TP73: variants seen among roughly 807,000 people sequenced by gnomAD.
TP73 encodes p53-like transcription factor.
A neutral mutation model predicts 62.5 loss-of-function variants in TP73; 25 were observed. The observed-to-expected ratio is 0.40, with a 90% CI of 0.29 to 0.56. TP73 has a LOEUF of 0.56. Ranked by LOEUF, TP73 falls within the 20% of genes least tolerant of loss-of-function variation. TP73 has a pLI of 0.46. For synonymous variants in TP73, 423 were observed against 377.5 expected (o/e 1.12, Z -1.40); for missense variants, 754 against 913.3 (o/e 0.83, Z 2.25).
chr1:3,722,637 C>T (rs1413522126), intron 5 of TP73, among the ~76,000 whole-genome samples: 1 of 152,222 alleles, frequency 6.6e-6, no homozygotes, highest in Non-Finnish European at 1.5e-5. Flanking sequence ...CTGGTGGTCT[C>T]AGTTCTGCTG....
In TP73 at chr1:3,696,809, G is replaced by T. The variant is rs1183777392; in HGVS notation, c.187-10740G>T. Among the ~76,000 whole-genome samples, 1 of 152,144 alleles carries T rather than the reference G, an allele frequency of 6.6e-6. No homozygotes were observed. Among genetic ancestry groups the T allele is most frequent in the African/African-American group, 2.4e-5 (1 of 41,424 alleles). ...CCATGTGGGGCCAGGGGAGGGACCA[G>T]TTGTCCTAACTGGAGATCCAGGGAT... is the stretch of plus-strand genomic sequence containing the variant. On this transcript the variant is annotated intron_variant, in intron 3 of 13. Coordinates refer to ENST00000378295, the MANE Select transcript of TP73 (RefSeq NM_005427.4). The surrounding 1 kb of genome is among the most constrained non-coding windows in gnomAD (Gnocchi z 4.1).
chr1:3,731,496 C>G lies in TP73; in HGVS notation c.1518C>G (p.Ile506Met), dbSNP rs1202773184. Residue 506 changes from isoleucine to methionine, a missense_variant, in exon 13 of 14, where the codon ATC becomes ATG. Physicochemically the swap from Ile to Met is conservative, Grantham distance 10 (BLOSUM62 1). Coordinates refer to ENST00000378295, the MANE Select transcript of TP73 (RefSeq NM_005427.4). ...FLTGLGCPNC[I>M]EYFTSQGLQS... ...CAGGATTGGGGTGTCCAAACTGCAT[C>G]GAGTATTTCACCTCCCAAGGGTTAC... 6.2e-7 allele frequency: 1 copy of G among 1,613,710 alleles called. No homozygotes were observed. The highest frequency in any genetic ancestry group is 8.5e-7 in the Non-Finnish European group (1 of 1,180,018).
Position 3,696,002 on chromosome 1 carries a change from G to T in TP73, c.187-11547G>T, listed in dbSNP as rs76024414. ...GCAGCAGAGCAGGGGTGAAAACGCC[G>T]CGGTCGGCCGTGGCTGTGTTGGAGA... is the stretch of plus-strand genomic sequence containing the variant. On this transcript the variant is annotated intron_variant, in intron 3 of 13. Transcript: ENST00000378295. The surrounding 1 kb of genome is among the most constrained non-coding windows in gnomAD (Gnocchi z 4.1). 6.6e-6 allele frequency among the ~76,000 whole-genome samples: 1 copy of T among 152,218 alleles called. No homozygotes were observed. The highest frequency in any genetic ancestry group is 1.5e-5 in the Non-Finnish European group (1 of 68,034).
chr1:3,677,054 T>G (rs1024965341), intron 1 of TP73, among the ~76,000 whole-genome samples: 5 of 151,788 alleles, frequency 3.3e-5, no homozygotes, highest in African/African-American at 1.2e-4. Flanking sequence ...AACCGAGAAG[T>G]CATCAGAGAG....
chr1:3,686,366 T>C (rs1243585548), intron 3 of TP73, among the ~76,000 whole-genome samples: 1 of 152,162 alleles, frequency 6.6e-6, no homozygotes, highest in African/African-American at 2.4e-5. Context: ...GCAGGTGGTT[T>C]CAAGCTCCCA....
At chr1:3,702,003 C>T (rs2124351395) in intron 3 of TP73, among the ~76,000 whole-genome samples, 1 of 152,294 alleles carries the variant, frequency 6.6e-6, no homozygotes, top group South Asian at 2.1e-4. Context: ...GCCTGGTTTC[C>T]AGGATGGTGG....
intron 1 of TP73, among the ~76,000 whole-genome samples, chr1:3,681,706 G>A (rs1645524984): frequency 6.6e-6 from 1 of 152,130 alleles, no homozygotes; most frequent in South Asian, 2.1e-4. Context: ...GCTCTAGCCG[G>A]GGGCTTGGCT....
intron 3 of TP73, among the ~76,000 whole-genome samples, chr1:3,704,731 G>C (rs1485815572): frequency 6.6e-6 from 1 of 152,186 alleles, no homozygotes; most frequent in Non-Finnish European, 1.5e-5. Flanking sequence ...GCCTCGGTGA[G>C]GAGTCTGGGA....
At chr1:3,731,420 C>T (rs780540754) in intron 12 of TP73, 43 bp from the exon 13 acceptor site, 1 of 1,580,250 alleles carries the variant, frequency 6.3e-7, no homozygotes, top group East Asian at 2.2e-5. Context: ...CAGCCCTGTG[C>T]TCGGAAGCTA....
intron 3 of TP73, among the ~76,000 whole-genome samples, chr1:3,706,029 G>A (rs1442146906): frequency 6.6e-6 from 1 of 152,200 alleles, no homozygotes; most frequent in Non-Finnish European, 1.5e-5. Context: ...TTGGATTGGA[G>A]GGGGCAGGCT....
In TP73 at chr1:3,723,664, G is replaced by A. The variant is rs912416270; in HGVS notation, c.732+195G>A. Among the ~76,000 whole-genome samples, 10 of 152,204 alleles carry A rather than the reference G, an allele frequency of 6.6e-5. No individual in the cohort carries two copies. The South Asian group carries it at 1.2e-3, about 19-fold the overall frequency. On this transcript the variant is annotated intron_variant, in intron 6 of 13. Transcript: ENST00000378295. ...CTTCCTCACCCACACCCGCCCCACT[G>A]TGCACACTGCTGCTCTGTCCCCACA...
At chr1:3,684,709 G>A (rs1044666141) in intron 3 of TP73, among the ~76,000 whole-genome samples, 11 of 152,084 alleles carry the variant, frequency 7.2e-5, no homozygotes, top group Non-Finnish European at 1.3e-4. Context: ...CAATTCCTCC[G>A]AGGAGCCCCT....
intron 3 of TP73, among the ~76,000 whole-genome samples, chr1:3,695,068 C>G (rs1638510284): frequency 6.6e-6 from 1 of 152,242 alleles, no homozygotes; most frequent in Non-Finnish European, 1.5e-5. Context: ...GTGGCTCTGG[C>G]CAAACAAGGC....
At chr1:3,695,178 G>A (rs1215742846) in intron 3 of TP73, among the ~76,000 whole-genome samples, 1 of 152,262 alleles carries the variant, frequency 6.6e-6, no homozygotes, top group East Asian at 1.9e-4. Flanking sequence ...AGCAAGGAAG[G>A]AGCCGATGGC....
chr1:3,710,673 T>C (rs1470512394), intron 4 of TP73, among the ~76,000 whole-genome samples: 1 of 152,270 alleles, frequency 6.6e-6, no homozygotes, highest in Non-Finnish European at 1.5e-5. Flanking sequence ...TCAGATCTCC[T>C]TGGGCACTGA....
intron 4 of TP73, among the ~76,000 whole-genome samples, chr1:3,709,848 T>C (rs1280077419): frequency 6.6e-6 from 1 of 152,220 alleles, no homozygotes; most frequent in Non-Finnish European, 1.5e-5. Flanking sequence ...CTGAGGATGC[T>C]GATGGGGTCT....
chr1:3,698,890 C>G (rs1638908963), intron 3 of TP73, among the ~76,000 whole-genome samples: 1 of 152,198 alleles, frequency 6.6e-6, no homozygotes, highest in South Asian at 2.1e-4. Flanking sequence ...GGCAGGATAG[C>G]AGCGGTGGCC....
At chr1:3,689,917 C>T (rs78360892) in intron 3 of TP73, among the ~76,000 whole-genome samples, 3,038 of 152,302 alleles carry the variant, frequency 0.02, 49 homozygotes, top group Non-Finnish European at 0.032. Flanking sequence ...GTACCCAAGA[C>T]GGCTGAAATA....
intron 3 of TP73, among the ~76,000 whole-genome samples, chr1:3,691,179 G>A (rs575975401): frequency 6.6e-6 from 1 of 152,106 alleles, no homozygotes; most frequent in Non-Finnish European, 1.5e-5. Flanking sequence ...GCAGGGACCC[G>A]CAGCCAGGGA....
Sources: gnomAD v4.1 joint callset for allele counts (sites outside exome capture counted in the v4.1 genomes callset) on GRCh38, gnomAD v4.1.1 for gene constraint, Gnocchi (gnomAD v3.1) non-coding constraint, MANE v1.5 for transcripts, NCBI Gene and HGNC (gene_info 2026-07-23, HGNC 2026-07-21) for gene names.